The following PAGE2B variants were observed in gnomAD, a reference collection of about 807,000 sequenced individuals.
PAGE2B encodes the protein PAGE family member 2B.
Under a neutral mutation model 7.6 loss-of-function variants are expected in PAGE2B, and 5 were observed. The observed-to-expected ratio is 0.66, with a 90% CI of 0.34 to 1.38. The LOEUF is 1.38. Among genes scored for constraint, PAGE2B ranks in the 40% most tolerant of loss-of-function variants. The pLI is 0.04. For missense variants in PAGE2B, 70 were observed against 78.4 expected (o/e 0.89, Z 0.41); for synonymous variants, 29 against 26.7 (o/e 1.09, Z -0.27).
the PAGE2B span, among the ~76,000 whole-genome samples, chrX:55,050,940 C>G: frequency 2.5e-4 from 28 of 111,774 alleles, no homozygotes; most frequent in Admixed American, 9.6e-4. Flanking sequence ...TTTGCATTGG[C>G]TGGTACCGGT....
chrX:55,065,264 A>G, the PAGE2B span, among the ~76,000 whole-genome samples: 9 of 111,787 alleles, frequency 8.1e-5, no homozygotes, highest in East Asian at 1.4e-3. Flanking sequence ...TAATTGCTAT[A>G]TCCTATTGCT....
the PAGE2B span, among the ~76,000 whole-genome samples, chrX:55,038,193 T>C: frequency 9.0e-6 from 1 of 111,208 alleles, no homozygotes; most frequent in Non-Finnish European, 1.9e-5. Context: ...CTTATCCAAT[T>C]CTGCTCTCTA....
the PAGE2B span, among the ~76,000 whole-genome samples, chrX:55,062,970 T>C: frequency 9.0e-6 from 1 of 111,681 alleles, no homozygotes; most frequent in Admixed American, 9.6e-5. Flanking sequence ...GTGTCTGTTT[T>C]TATGCCAGTA....
At chrX:55,036,889 C>A in the PAGE2B span, among the ~76,000 whole-genome samples, 1 of 109,746 alleles carries the variant, frequency 9.1e-6, no homozygotes. Flanking sequence ...ACACCTTATA[C>A]AAAAATTAAT....
At chrX:55,051,108 C>G in the PAGE2B span, among the ~76,000 whole-genome samples, 5 of 111,466 alleles carry the variant, frequency 4.5e-5, no homozygotes, top group African/African-American at 1.6e-4. Context: ...ATTGAAAATT[C>G]TTTTCTTTAA....
chrX:55,051,984 T>C, the PAGE2B span, among the ~76,000 whole-genome samples: 1 of 111,851 alleles, frequency 8.9e-6, no homozygotes, highest in Non-Finnish European at 1.9e-5. Context: ...CAGATGGGTT[T>C]TTGGTGTGGA....
chrX:55,056,929 C>G, the PAGE2B span, among the ~76,000 whole-genome samples: 1 of 111,706 alleles, frequency 9.0e-6, no homozygotes, highest in Admixed American at 9.5e-5. Context: ...GATACCTGTT[C>G]TGCCGAAGAT....
At chrX:55,046,730 A>G in the PAGE2B span, among the ~76,000 whole-genome samples, 1 of 111,850 alleles carries the variant, frequency 8.9e-6, no homozygotes, top group East Asian at 2.8e-4. Context: ...AGGAGTCTAA[A>G]CAGCAGAGTG....
intron 2 of PAGE2B, 56 bp from the exon 3 acceptor site, chrX:55,076,513 G>A (rs1936520869): frequency 2.9e-6 from 3 of 1,026,043 alleles, no homozygotes; most frequent in Admixed American, 2.7e-5. Context: ...ATGCACATAT[G>A]CATTTGTGTA....
the PAGE2B span, among the ~76,000 whole-genome samples, chrX:55,068,950 G>T: frequency 2.7e-5 from 3 of 111,927 alleles, no homozygotes; most frequent in South Asian, 1.1e-3. Context: ...TGAGATGATG[G>T]AGTTTTCTAA....
chrX:55,060,207 T>A, the PAGE2B span, among the ~76,000 whole-genome samples: 1 of 111,644 alleles, frequency 9.0e-6, no homozygotes, highest in Admixed American at 9.6e-5. Flanking sequence ...TTTTGAGGAA[T>A]CTCCTTACCG....
At chrX:55,044,626 G>A in the PAGE2B span, 1 of 111,171 alleles carries the variant, frequency 9.0e-6, no homozygotes, top group Non-Finnish European at 1.9e-5. Context: ...AAGTTCTGGT[G>A]TAACAAGGAG....
the PAGE2B span, among the ~76,000 whole-genome samples, chrX:55,053,223 A>G: frequency 2.7e-5 from 3 of 111,865 alleles, no homozygotes; most frequent in Non-Finnish European, 5.6e-5. Context: ...CTTTGCAGGA[A>G]CACAAGTGAA....
At chrX:55,060,007 A>G in the PAGE2B span, among the ~76,000 whole-genome samples, 2 of 111,094 alleles carry the variant, frequency 1.8e-5, no homozygotes, top group African/African-American at 3.3e-5. Context: ...CTGTGTGTGT[A>G]TACTCCACAT....
chrX:55,057,906 C>T, the PAGE2B span, among the ~76,000 whole-genome samples: 1 of 111,691 alleles, frequency 9.0e-6, no homozygotes, highest in African/African-American at 3.3e-5. Context: ...CATTTCACTG[C>T]TGTATGACGG....
the PAGE2B span, among the ~76,000 whole-genome samples, chrX:55,058,350 T>C: frequency 1.8e-5 from 2 of 111,044 alleles, no homozygotes; most frequent in African/African-American, 6.5e-5. Flanking sequence ...TGTTTGTAGA[T>C]GGGGCATAAA....
At chrX:55,073,729 T>C (rs1357524270), upstream of PAGE2B, among the ~76,000 whole-genome samples, 1 of 112,042 alleles carries the variant, frequency 8.9e-6, no homozygotes, top group East Asian at 2.8e-4. Context: ...GTAGTTCTCA[T>C]AGTGGAGATT....
At chrX:55,032,946 G>A in the PAGE2B span, among the ~76,000 whole-genome samples, 1 of 111,631 alleles carries the variant, frequency 9.0e-6, no homozygotes, top group Non-Finnish European at 1.9e-5. Flanking sequence ...ACTTTGAAAA[G>A]TGAGCTCAAA....
the PAGE2B span, among the ~76,000 whole-genome samples, chrX:55,066,601 C>T: frequency 3.0e-4 from 33 of 111,726 alleles, no homozygotes; most frequent in African/African-American, 1.1e-3. Context: ...TTAAATATAT[C>T]ATGCCACTCT....
Sources: allele counts gnomAD v4.1 joint callset (sites outside exome capture counted in the v4.1 genomes callset), GRCh38; gene constraint gnomAD v4.1.1; transcripts MANE v1.5; gene names NCBI Gene and HGNC (gene_info 2026-07-23, HGNC 2026-07-21).